The following C2orf80 variants were observed in gnomAD, a reference collection of about 807,000 sequenced individuals.
C2orf80 encodes the protein uncharacterized protein C2orf80.
C2orf80 carries 28 observed loss-of-function variants against 30.2 expected under a neutral mutation model. The ratio of observed to expected loss-of-function variants is 0.93; its 90% confidence interval spans 0.69 to 1.27. The LOEUF is 1.27. Ranked by LOEUF, C2orf80 falls within the 50% of genes most tolerant of loss-of-function variation. The probability of loss-of-function intolerance (pLI) is 0.00; values close to 1 mark genes in which losing one functional copy is unlikely to be tolerated. For missense variants in C2orf80, 220 were observed against 231.0 expected (o/e 0.95, Z 0.31); for synonymous variants, 80 against 76.4 (o/e 1.05, Z -0.24).
At chr2:208,182,782 T>C (rs143805796) in intron 4 of C2orf80, among the ~76,000 whole-genome samples, 183 bp downstream of exon 4, 81 of 152,318 alleles carry the variant, frequency 5.3e-4, no homozygotes, top group Non-Finnish European at 9.6e-4. Flanking sequence ...CATGGAAACA[T>C]GTAACTTCTT....
rs1416533203 is a variant in C2orf80 at position 208,182,951 on chromosome 2, C to G, written c.206+14G>C. On this transcript the variant is annotated intron_variant, in intron 4 of 8. Coordinates refer to ENST00000341287, the MANE Select transcript of C2orf80 (RefSeq NM_001099334.3). ...CAAATTAAAGAGGAAAGCAACAAAC[C>G]TACTTCAACTTACAGTTCCTCCCAC... 1 of 1,604,194 alleles carries G rather than the reference C, an allele frequency of 6.2e-7. No individual in the cohort carries two copies. The highest frequency in any genetic ancestry group is 8.5e-7 in the Non-Finnish European group (1 of 1,171,084).
At chr2:208,175,575 C>A (rs1574362702) in intron 6 of C2orf80, among the ~76,000 whole-genome samples, 1 of 152,066 alleles carries the variant, frequency 6.6e-6, no homozygotes, top group South Asian at 2.1e-4. Context: ...TTGTGTCATG[C>A]GGCCAATTCC....
intron 6 of C2orf80, among the ~76,000 whole-genome samples, chr2:208,177,123 T>TAA: frequency 6.8e-6 from 1 of 147,488 alleles, no homozygotes; most frequent in Admixed American, 6.8e-5. Flanking sequence ...TGGCTCGATT[T>TAA]TATATATATA....
At chr2:208,187,991 T>G (rs1193374644) in intron 1 of C2orf80, among the ~76,000 whole-genome samples, 1 of 152,120 alleles carries the variant, frequency 6.6e-6, no homozygotes, top group Non-Finnish European at 1.5e-5. Context: ...TGGCCTCCTC[T>G]ATCAGATTTT....
chr2:208,178,675 A>T (rs927980144), intron 6 of C2orf80, among the ~76,000 whole-genome samples: 3 of 152,146 alleles, frequency 2.0e-5, no homozygotes, highest in Non-Finnish European at 4.4e-5. Context: ...GCATTAGGGG[A>T]GGCCAAGGTG....
chr2:208,171,873 A>G (rs1696109757), intron 7 of C2orf80, 115 bp downstream of exon 7: 4 of 908,258 alleles, frequency 4.4e-6, no homozygotes, highest in Non-Finnish European at 7.4e-6. Flanking sequence ...TTTAAATTCA[A>G]CCAGACATAG....
chr2:208,185,584 G>A (rs1477421036), intron 2 of C2orf80, among the ~76,000 whole-genome samples: 4 of 152,098 alleles, frequency 2.6e-5, no homozygotes, highest in African/African-American at 9.7e-5. Flanking sequence ...ATAAAAGAAG[G>A]TAAAATAAGC....
intron 5 of C2orf80, 127 bp downstream of exon 5, chr2:208,181,091 T>C: frequency 2.7e-6 from 2 of 742,094 alleles, no homozygotes; most frequent in East Asian, 5.4e-5. Context: ...AAACGAAACA[T>C]TTACTATCAA....
chr2:208,168,318 A>G (rs1695968905), intron 8 of C2orf80: 5 of 258,220 alleles, frequency 1.9e-5, no homozygotes, highest in South Asian at 1.4e-4. Flanking sequence ...GTCTGGCTTG[A>G]AAATTTTACT....
chr2:208,178,321 G>C (rs1029478528), intron 6 of C2orf80, among the ~76,000 whole-genome samples: 2 of 152,200 alleles, frequency 1.3e-5, no homozygotes, highest in East Asian at 1.9e-4. Flanking sequence ...ACCTCTCCCA[G>C]GTACCAGAAG....
Position 208,182,974 on chromosome 2 carries a change from C to T in C2orf80, c.197G>A (p.Trp66Ter). 6.2e-7 allele frequency: 1 copy of T among 1,613,324 alleles called. No individual in the cohort carries two copies. The highest frequency in any genetic ancestry group is 8.5e-7 in the Non-Finnish European group (1 of 1,179,270). ...ACCTACTTCAACTTACAGTTCCTCC[C>T]ACTCCAGCCAAGTTAAGTCTTCTGA... ...DPSEDLTWLE[W>*]EELKIPLHGR... The change falls in exon 4 of 9, where the codon TGG becomes TAG. Residue 66 changes from tryptophan to a stop codon, truncating the protein, a stop_gained. Coordinates refer to ENST00000341287, the MANE Select transcript of C2orf80 (RefSeq NM_001099334.3). LOFTEE classifies it high-confidence loss of function.
intron 8 of C2orf80, among the ~76,000 whole-genome samples, chr2:208,170,690 A>G (rs1234133169): frequency 6.6e-6 from 1 of 152,208 alleles, no homozygotes; most frequent in East Asian, 1.9e-4. Flanking sequence ...TAACCTTTTA[A>G]CATGAATAAT....
At chr2:208,167,542 AAAC>A (rs138183169) in intron 8 of C2orf80, among the ~76,000 whole-genome samples, 5,632 of 151,950 alleles carry the variant, frequency 0.037, 123 homozygotes, top group Middle Eastern at 0.072. Flanking sequence ...AAAAACAAAC[AAAC>A]AAAAAACTGT....
rs567540883 is a variant in C2orf80, at chr2:208,167,813, T to C, written c.574-1998A>G. On this transcript the variant is annotated intron_variant, in intron 8 of 8. Coordinates refer to ENST00000341287, the MANE Select transcript of C2orf80 (RefSeq NM_001099334.3). ...CTGGTCTTGAATGCCTGACCTCAAG[T>C]AATCTGCTCTCCTTGGCCTCCCAAA... Among the ~76,000 whole-genome samples, 8 of 151,880 alleles carry C rather than the reference T, an allele frequency of 5.3e-5. No individual in the cohort carries two copies. In the South Asian group the frequency reaches 1.7e-3, roughly 32 times the overall value.
In C2orf80 at chr2:208,171,052, T is replaced by C; in HGVS notation, c.466A>G (p.Arg156Gly). The C allele has an allele frequency of 6.2e-7, 1 of 1,613,040 alleles. No homozygotes were observed. Among genetic ancestry groups the C allele is most frequent in the East Asian group, 2.2e-5 (1 of 44,880 alleles). ...GCATTTTTATTTGTTGTTACCTTTC[T>C]TGACTTGACACCTACAGACAGATGC... ...AYARKQSVKS[R>G]KVTTNKNATS... The change falls in exon 8 of 9, where the codon AGA (arginine) becomes GGA (glycine). Residue 156 changes from arginine to glycine, a missense_variant. Physicochemically the swap from Arg to Gly is moderately radical, Grantham distance 125. Transcript: ENST00000341287.
At chr2:208,170,394 T>C (rs867087869) in intron 8 of C2orf80, among the ~76,000 whole-genome samples, 4 of 152,138 alleles carry the variant, frequency 2.6e-5, no homozygotes, top group Admixed American at 1.3e-4. Flanking sequence ...ACCCTGTCCA[T>C]CTCCGACCAT....
intron 6 of C2orf80, among the ~76,000 whole-genome samples, chr2:208,178,096 G>A (rs1696425128): frequency 6.6e-6 from 1 of 152,044 alleles, no homozygotes; most frequent in African/African-American, 2.4e-5. Context: ...GGTATTACAG[G>A]CATGAGCTAC....
chr2:208,179,626 A>T (rs1364031145), intron 6 of C2orf80, among the ~76,000 whole-genome samples: 3 of 152,152 alleles, frequency 2.0e-5, no homozygotes, highest in African/African-American at 7.2e-5. Flanking sequence ...AGCAGTTCAT[A>T]TTTAAATGTT....
chr2:208,187,563 C>T (rs1008648208), intron 1 of C2orf80, among the ~76,000 whole-genome samples: 1 of 152,096 alleles, frequency 6.6e-6, no homozygotes, highest in Non-Finnish European at 1.5e-5. Flanking sequence ...TTCCCACCCC[C>T]ACATTGAACC....
Sources: allele counts gnomAD v4.1 joint callset (sites outside exome capture counted in the v4.1 genomes callset), GRCh38; gene constraint gnomAD v4.1.1; transcripts MANE v1.5; gene names NCBI Gene and HGNC (gene_info 2026-07-23, HGNC 2026-07-21).